Variants in MCC observed in about 807,000 individuals in gnomAD.
MCC encodes the protein colorectal mutant cancer protein.
A neutral mutation model predicts 116.2 loss-of-function variants in MCC; 90 were observed. That is an observed-to-expected ratio of 0.77 (90% CI 0.65 to 0.92). MCC has a LOEUF of 0.92. Among genes scored for constraint, MCC ranks in the 40% least tolerant of loss-of-function variants. The pLI is 0.00. For missense variants in MCC, 1,516 were observed against 1,312.2 expected (o/e 1.16, Z -2.40); for synonymous variants, 578 against 510.5 (o/e 1.13, Z -1.78).
chr5:113,415,829 TC>T (rs1770128979), intron 1 of MCC, among the ~76,000 whole-genome samples: 1 of 152,220 alleles, frequency 6.6e-6, no homozygotes, highest in Non-Finnish European at 1.5e-5. Flanking sequence ...GGAGCTGTGA[TC>T]CTTTGGAGGA....
At chr5:113,208,944 G>T (rs971128870) in intron 3 of MCC, among the ~76,000 whole-genome samples, 3 of 152,180 alleles carry the variant, frequency 2.0e-5, no homozygotes, top group African/African-American at 7.2e-5. Flanking sequence ...ATTCTCTGAG[G>T]GGCTAAGGGT....
intron 5 of MCC, among the ~76,000 whole-genome samples, chr5:113,142,261 T>C (rs1581147112): frequency 3.9e-5 from 6 of 152,010 alleles, no homozygotes; most frequent in Admixed American, 3.9e-4. Flanking sequence ...GTTTTAAAAT[T>C]GTGGCTTGTG....
chr5:113,089,989 T>C (rs1182400481), intron 8 of MCC, among the ~76,000 whole-genome samples: 1 of 152,162 alleles, frequency 6.6e-6, no homozygotes, highest in Non-Finnish European at 1.5e-5. Context: ...CAACTGGGTA[T>C]GTAAGAGAGG....
At chr5:113,353,276 T>A (rs922241171) in intron 2 of MCC, among the ~76,000 whole-genome samples, 7 of 152,092 alleles carry the variant, frequency 4.6e-5, no homozygotes, top group African/African-American at 1.4e-4. Context: ...CTCTCTCCAC[T>A]CTCAGGCCAG....
At chr5:113,142,169 G>C (rs1263702787) in intron 5 of MCC, among the ~76,000 whole-genome samples, 1 of 147,062 alleles carries the variant, frequency 6.8e-6, no homozygotes, top group African/African-American at 2.4e-5. Flanking sequence ...CCATTACTGT[G>C]ACTCTTGGTG....
intron 11 of MCC, among the ~76,000 whole-genome samples, chr5:113,079,445 G>T (rs1754690079): frequency 6.6e-6 from 1 of 152,196 alleles, no homozygotes; most frequent in East Asian, 1.9e-4. Context: ...GCATGGTACT[G>T]GTACCAGAAC....
intron 3 of MCC, among the ~76,000 whole-genome samples, chr5:113,301,716 G>T (rs1766866980): frequency 6.6e-6 from 1 of 152,092 alleles, no homozygotes; most frequent in South Asian, 2.1e-4. Context: ...CAGGCAGAGG[G>T]AACAGTAAGG....
intron 3 of MCC, among the ~76,000 whole-genome samples, chr5:113,293,532 A>G (rs13160741): frequency 3.3e-5 from 5 of 151,980 alleles, no homozygotes; most frequent in African/African-American, 1.2e-4. Flanking sequence ...GCTTCTCATC[A>G]CTTTTCAGGT....
At chr5:113,207,222 T>C (rs1762948784) in intron 3 of MCC, among the ~76,000 whole-genome samples, 1 of 152,224 alleles carries the variant, frequency 6.6e-6, no homozygotes, top group East Asian at 1.9e-4. Context: ...TTACTAGTTA[T>C]GCAACGGTGG....
At chr5:113,210,163 G>A (rs1763070632) in intron 3 of MCC, among the ~76,000 whole-genome samples, 1 of 152,118 alleles carries the variant, frequency 6.6e-6, no homozygotes, top group Non-Finnish European at 1.5e-5. Context: ...CAGAGCTGTG[G>A]GTGGGAAGAG....
intron 3 of MCC, among the ~76,000 whole-genome samples, chr5:113,231,260 G>C (rs1763932690): frequency 6.6e-6 from 1 of 152,084 alleles, no homozygotes; most frequent in Non-Finnish European, 1.5e-5. Context: ...CATAAGAAGA[G>C]AGTTTCCCAG....
At chr5:113,208,329 G>C (rs1319858875) in intron 3 of MCC, among the ~76,000 whole-genome samples, 1 of 152,158 alleles carries the variant, frequency 6.6e-6, no homozygotes, top group East Asian at 1.9e-4. Context: ...GAACCTATCT[G>C]TTCCCCTGAT....
chr5:113,066,660 A>G (rs1351595830), intron 13 of MCC, among the ~76,000 whole-genome samples: 2 of 152,168 alleles, frequency 1.3e-5, no homozygotes, highest in African/African-American at 2.4e-5. Context: ...AACACATGTG[A>G]GTGTTCAGTG....
chr5:113,182,156 C>T (rs192382747), intron 3 of MCC, among the ~76,000 whole-genome samples: 117 of 152,292 alleles, frequency 7.7e-4, no homozygotes, highest in Non-Finnish European at 9.8e-4. Flanking sequence ...TGATTTCACC[C>T]CCACCAATGA....
rs894474846 is a variant in MCC at position 113,058,631 on chromosome 5, G to A, written c.2214-4672C>T. Among the ~76,000 whole-genome samples the A allele has an allele frequency of 7.2e-5, 11 of 152,292 alleles. No individual in the cohort carries two copies. The South Asian group carries it at 1.5e-3, about 20-fold the overall frequency. On this transcript the variant is annotated intron_variant, in intron 14 of 18. Coordinates refer to ENST00000408903, the MANE Select transcript of MCC (RefSeq NM_001085377.2). ...TGCCCTGGTGGGTGTCAGGGTCTAC[G>A]AGCAGGTCTCTGATGTCAGTCAAAC...
At chr5:113,359,326 T>G (rs1768491154) in intron 2 of MCC, among the ~76,000 whole-genome samples, 1 of 152,360 alleles carries the variant, frequency 6.6e-6, no homozygotes, top group Admixed American at 6.5e-5. Flanking sequence ...TACCGAAGCA[T>G]GCTTATCAAC....
intron 3 of MCC, among the ~76,000 whole-genome samples, chr5:113,155,031 C>G (rs1452929983): frequency 1.3e-5 from 2 of 152,158 alleles, no homozygotes; most frequent in Non-Finnish European, 2.9e-5. Context: ...TCATCCCTCC[C>G]CCACTATCCT....
At chr5:113,075,745 C>T (rs184089870) in intron 11 of MCC, among the ~76,000 whole-genome samples, 16 of 152,316 alleles carry the variant, frequency 1.1e-4, no homozygotes, top group Non-Finnish European at 1.5e-4. Flanking sequence ...GCAACCCGCT[C>T]GGGTGCCCTT....
rs77000702 is a variant in MCC, at chr5:113,265,364, G to C, written c.627+75155C>G. Reference sequence around the variant, plus strand: ...TGCTTCTCCTTCTAGTTCAAAGCAAGGCTATGACGTCACAGAATGAACCCC... The same window carrying C: ...TGCTTCTCCTTCTAGTTCAAAGCAACGCTATGACGTCACAGAATGAACCCC... On this transcript the variant is annotated intron_variant, in intron 3 of 18. Transcript: ENST00000408903. Among the ~76,000 whole-genome samples, 359 of 152,220 alleles carry C rather than the reference G, an allele frequency of 2.4e-3. 1 individual carries two copies. Among genetic ancestry groups the C allele is most frequent in the Non-Finnish European group, 2.9e-3 (198 of 68,012 alleles).
Sources: gnomAD v4.1 joint callset for allele counts (sites outside exome capture counted in the v4.1 genomes callset) on GRCh38, gnomAD v4.1.1 for gene constraint, MANE v1.5 for transcripts, NCBI Gene and HGNC (gene_info 2026-07-23, HGNC 2026-07-21) for gene names.